SLC44A5: variants seen among roughly 807,000 people sequenced by gnomAD.
SLC44A5 encodes the protein choline transporter-like protein 5.
A neutral mutation model predicts 101.8 loss-of-function variants in SLC44A5; 57 were observed. The observed-to-expected ratio is 0.56, with a 90% confidence interval of 0.45 to 0.70. The LOEUF (loss-of-function observed/expected upper bound fraction) is 0.70. Ranked by LOEUF, SLC44A5 falls within the 30% of genes least tolerant of loss-of-function variation. The pLI, the probability that SLC44A5 is intolerant of heterozygous loss-of-function variation, is 0.00. For synonymous variants in SLC44A5, 281 were observed against 290.9 expected, an observed-to-expected ratio of 0.97 and a Z score of 0.35; for missense variants, 737 against 853.1, an observed-to-expected ratio of 0.86 and a Z score of 1.70.
chr1:75,231,563 A>G (rs1306671474), intron 12 of SLC44A5, among the ~76,000 whole-genome samples: 1 of 152,172 alleles, frequency 6.6e-6, no homozygotes, highest in Non-Finnish European at 1.5e-5. Flanking sequence ...TCTTTCCTCA[A>G]TAATATTCCT....
chr1:75,394,729 C>A (rs180965423), intron 3 of SLC44A5, among the ~76,000 whole-genome samples: 1 of 152,190 alleles, frequency 6.6e-6, no homozygotes, highest in African/African-American at 2.4e-5. Flanking sequence ...CACAGTTAAG[C>A]TTTCTTTAAT....
intron 15 of SLC44A5, 103 bp downstream of exon 15, chr1:75,219,697 C>T: frequency 1.4e-6 from 1 of 718,916 alleles, no homozygotes; most frequent in Middle Eastern, 2.4e-4. Flanking sequence ...TTTCTTAGTA[C>T]ATTCCTCATC....
Position 75,213,708 on chromosome 1 carries a change from C to T in SLC44A5, c.1959G>A (p.Leu653=), listed in dbSNP as rs1646903959. 1 of 1,606,942 alleles carries T rather than the reference C, an allele frequency of 6.2e-7. No homozygotes were observed. The highest frequency in any genetic ancestry group is 8.5e-7 in the Non-Finnish European group (1 of 1,173,866). ...TGACTCAGACACCAGCTCTTACCAGCAAAGGTACCCAGTAGTAATTTAAAG... is the reference window on the plus strand; with the variant it reads ...TGACTCAGACACCAGCTCTTACCAGTAAAGGTACCCAGTAGTAATTTAAAG... ...PASLNYYWVP[L]LTVIFGSYLI... The change falls in exon 22 of 24, where the codon TTG becomes TTA. Residue 653 remains leucine, a synonymous_variant. Coordinates refer to ENST00000370859, the MANE Select transcript of SLC44A5 (RefSeq NM_001130058.2).
chr1:75,487,787 T>C (rs372883986), intron 2 of SLC44A5, among the ~76,000 whole-genome samples: 3 of 152,324 alleles, frequency 2.0e-5, no homozygotes, highest in South Asian at 2.1e-4. Flanking sequence ...CTACACTATA[T>C]AGCCCAGGGG....
intron 2 of SLC44A5, among the ~76,000 whole-genome samples, chr1:75,509,337 T>C (rs927717275): frequency 1.3e-5 from 2 of 152,356 alleles, no homozygotes; most frequent in Admixed American, 1.3e-4. Flanking sequence ...AACTGTTTGA[T>C]ATCAAAAACA....
chr1:75,705,543 C>A, the SLC44A5 span, among the ~76,000 whole-genome samples: 2 of 152,156 alleles, frequency 1.3e-5, no homozygotes, highest in Admixed American at 6.6e-5. Context: ...ACTTTTCGTG[C>A]ATTCTCTGAT....
intron 5 of SLC44A5, among the ~76,000 whole-genome samples, chr1:75,284,229 A>G (rs1015805391): frequency 2.0e-5 from 3 of 152,018 alleles, no homozygotes; most frequent in African/African-American, 7.2e-5. Context: ...TTGGTTTGGT[A>G]TATTCCTAAG....
the SLC44A5 span, among the ~76,000 whole-genome samples, chr1:75,681,593 T>C: frequency 4.9e-4 from 74 of 151,094 alleles, no homozygotes; most frequent in Non-Finnish European, 8.7e-4. Flanking sequence ...AATTAGGTAT[T>C]GATGGGACAT....
At chr1:75,255,873 T>C (rs1001914015) in intron 6 of SLC44A5, among the ~76,000 whole-genome samples, 1 of 151,746 alleles carries the variant, frequency 6.6e-6, no homozygotes, top group African/African-American at 2.4e-5. Context: ...CTGAAAAGAA[T>C]TGTTTTTCAA....
chr1:75,292,666 G>T (rs1653654186), intron 5 of SLC44A5, among the ~76,000 whole-genome samples: 1 of 152,158 alleles, frequency 6.6e-6, no homozygotes, highest in African/African-American at 2.4e-5. Flanking sequence ...GATTGTTGAT[G>T]ATCTTTGCAG....
chr1:75,315,756 A>G (rs777461488), intron 4 of SLC44A5, among the ~76,000 whole-genome samples: 1 of 152,092 alleles, frequency 6.6e-6, no homozygotes, highest in Non-Finnish European at 1.5e-5. Flanking sequence ...AAATGTTCCA[A>G]ATCGAACTTA....
At chr1:75,551,285 G>T (rs1364765775) in intron 1 of SLC44A5, among the ~76,000 whole-genome samples, 1 of 152,226 alleles carries the variant, frequency 6.6e-6, no homozygotes, top group South Asian at 2.1e-4. Context: ...GGAGGGACCT[G>T]TCTGGTTGAA....
At chr1:75,650,687 A>G in the SLC44A5 span, among the ~76,000 whole-genome samples, 1 of 152,196 alleles carries the variant, frequency 6.6e-6, no homozygotes, top group Non-Finnish European at 1.5e-5. Flanking sequence ...CAGTGACACA[A>G]TCACAGTTCA....
rs569383818 is a variant in SLC44A5 at position 75,442,052 on chromosome 1, A to G, written c.14-45431T>C. On this transcript the variant is annotated intron_variant, in intron 2 of 23. Transcript: ENST00000370859. Reference sequence around the variant, plus strand: ...GTTGAGTGATAATGTGCCAAAGAATATTACAGACACTTGACAGGCATTAAC... The same window carrying G: ...GTTGAGTGATAATGTGCCAAAGAATGTTACAGACACTTGACAGGCATTAAC... Among the ~76,000 whole-genome samples the G allele has an allele frequency of 5.3e-5, 8 of 152,320 alleles. No homozygotes were observed. The South Asian group carries it at 1.7e-3, about 32-fold the overall frequency.
chr1:75,502,933 C>T (rs1048837288), intron 2 of SLC44A5, among the ~76,000 whole-genome samples: 2 of 152,122 alleles, frequency 1.3e-5, no homozygotes, highest in South Asian at 2.1e-4. Flanking sequence ...CCTCAAACCA[C>T]TCAACCGCTC....
chr1:75,501,369 A>C (rs757266984), intron 2 of SLC44A5, among the ~76,000 whole-genome samples: 3 of 152,168 alleles, frequency 2.0e-5, no homozygotes, highest in South Asian at 4.1e-4. Context: ...CCTAAAAGAC[A>C]GTGACAAAAT....
the SLC44A5 span, among the ~76,000 whole-genome samples, chr1:75,718,237 A>G: frequency 2.0e-5 from 3 of 152,216 alleles, no homozygotes; most frequent in African/African-American, 7.2e-5. Context: ...CATTTAAGCA[A>G]TATTAACTGG....
chr1:75,535,295 G>A (rs1337667246), intron 2 of SLC44A5, among the ~76,000 whole-genome samples: 2 of 152,088 alleles, frequency 1.3e-5, no homozygotes, highest in African/African-American at 4.8e-5. Context: ...GAAGGAAGAA[G>A]GAGGAAAGCA....
intron 2 of SLC44A5, among the ~76,000 whole-genome samples, chr1:75,483,639 CA>C (rs1279448234): frequency 2.6e-5 from 4 of 152,032 alleles, no homozygotes; most frequent in African/African-American, 9.7e-5. Context: ...ATTTCAACTA[CA>C]TTTCAAAAAA....
Sources: allele counts gnomAD v4.1 joint callset (sites outside exome capture counted in the v4.1 genomes callset), GRCh38; gene constraint gnomAD v4.1.1; transcripts MANE v1.5; gene names NCBI Gene and HGNC (gene_info 2026-07-23, HGNC 2026-07-21).